TMEM272: variants seen among roughly 807,000 people sequenced by gnomAD.
TMEM272 encodes the protein transmembrane protein 272.
Under a neutral mutation model 3.7 loss-of-function variants are expected in TMEM272, and 8 were observed. The ratio of observed to expected loss-of-function variants is 2.17; its 90% confidence interval spans 1.27 to 3.91. TMEM272 has a LOEUF of 3.91. TMEM272 is among the 30% of genes most tolerant of loss of function. The pLI, the probability that TMEM272 is intolerant of heterozygous loss-of-function variation, is 0.00. For synonymous variants in TMEM272, 63 were observed against 39.8 expected (o/e 1.58, Z -2.20); for missense variants, 166 against 91.5 (o/e 1.81, Z -3.32).
the TMEM272 span, chr13:51,865,692 A>T: frequency 6.2e-7 from 1 of 1,614,176 alleles, no homozygotes; most frequent in Non-Finnish European, 8.5e-7. Context: ...AAAGAGGAAA[A>T]ATCCTTCTGG....
the TMEM272 span, among the ~76,000 whole-genome samples, chr13:51,852,464 G>A: frequency 6.6e-6 from 1 of 152,206 alleles, no homozygotes; most frequent in Non-Finnish European, 1.5e-5. Flanking sequence ...TATGGCTGGT[G>A]TGGCTAGAAA....
the TMEM272 span, among the ~76,000 whole-genome samples, chr13:51,870,746 C>T: frequency 6.6e-6 from 1 of 152,176 alleles, no homozygotes; most frequent in Admixed American, 6.5e-5. Flanking sequence ...GAGCCACCTC[C>T]CTCTCACCAA....
chr13:51,883,811 C>T, the TMEM272 span, among the ~76,000 whole-genome samples: 1 of 152,152 alleles, frequency 6.6e-6, no homozygotes, highest in African/African-American at 2.4e-5. Context: ...TTGAATTGTG[C>T]CTACACCTGG....
the TMEM272 span, among the ~76,000 whole-genome samples, chr13:51,855,916 T>C: frequency 6.6e-6 from 1 of 152,186 alleles, no homozygotes; most frequent in Admixed American, 6.5e-5. Flanking sequence ...TACAGAGATA[T>C]AATCACCTGA....
At chr13:51,837,825 C>T (rs1192726427) in intron 2 of TMEM272, among the ~76,000 whole-genome samples, 8 of 152,238 alleles carry the variant, frequency 5.3e-5, no homozygotes, top group Non-Finnish European at 7.3e-5. Flanking sequence ...TCCGCCACTA[C>T]CCACTGACTG....
At chr13:51,917,531 T>C in the TMEM272 span, among the ~76,000 whole-genome samples, 1 of 152,154 alleles carries the variant, frequency 6.6e-6, no homozygotes, top group Admixed American at 6.5e-5. Flanking sequence ...GCCAATCCAG[T>C]GAGCTGTTTT....
At chr13:51,867,401 G>A in the TMEM272 span, among the ~76,000 whole-genome samples, 1 of 152,204 alleles carries the variant, frequency 6.6e-6, no homozygotes, top group Non-Finnish European at 1.5e-5. Flanking sequence ...CTGGGTCACG[G>A]GAAGTGACTT....
At chr13:51,924,412 T>C in the TMEM272 span, among the ~76,000 whole-genome samples, 1 of 151,904 alleles carries the variant, frequency 6.6e-6, no homozygotes, top group Non-Finnish European at 1.5e-5. Context: ...AACAAAAACC[T>C]CTTTTCCTCT....
chr13:51,876,680 C>G, the TMEM272 span, among the ~76,000 whole-genome samples: 6 of 152,226 alleles, frequency 3.9e-5, no homozygotes, highest in African/African-American at 1.4e-4. Flanking sequence ...AATAGAGGGT[C>G]TGGAAAATCA....
chr13:51,856,292 G>A, the TMEM272 span, among the ~76,000 whole-genome samples: 2 of 152,170 alleles, frequency 1.3e-5, no homozygotes, highest in Non-Finnish European at 2.9e-5. Flanking sequence ...TTATCTACAG[G>A]AGCAACTGGA....
At chr13:51,925,522 A>T in the TMEM272 span, among the ~76,000 whole-genome samples, 2 of 152,014 alleles carry the variant, frequency 1.3e-5, no homozygotes, top group Non-Finnish European at 2.9e-5. Context: ...CATCACACAT[A>T]CACACACACC....
the TMEM272 span, among the ~76,000 whole-genome samples, chr13:51,861,686 T>C: frequency 6.6e-6 from 1 of 152,048 alleles, no homozygotes; most frequent in Non-Finnish European, 1.5e-5. Flanking sequence ...TGAAAGAATA[T>C]TTGAAGAAAT....
At chr13:51,923,379 C>T in the TMEM272 span, among the ~76,000 whole-genome samples, 1 of 152,154 alleles carries the variant, frequency 6.6e-6, no homozygotes, top group Admixed American at 6.5e-5. Flanking sequence ...GCTTCACTGC[C>T]ACCACCACAG....
chr13:51,864,133 T>C, the TMEM272 span, among the ~76,000 whole-genome samples: 1 of 152,080 alleles, frequency 6.6e-6, no homozygotes, highest in Non-Finnish European at 1.5e-5. Context: ...CTTTTCTTTT[T>C]TTCTTTTCCT....
chr13:51,891,588 T>C, the TMEM272 span, among the ~76,000 whole-genome samples: 1 of 152,214 alleles, frequency 6.6e-6, no homozygotes, highest in Non-Finnish European at 1.5e-5. Context: ...GGATTGGGGC[T>C]CCTATGCCCA....
chr13:51,818,996 G>T (rs909030919), intron 4 of TMEM272, among the ~76,000 whole-genome samples: 7 of 152,150 alleles, frequency 4.6e-5, no homozygotes, highest in African/African-American at 1.7e-4. Flanking sequence ...TGATTAAATC[G>T]GAGGAAATTA....
chr13:51,866,947 T>C, the TMEM272 span, among the ~76,000 whole-genome samples: 1 of 152,208 alleles, frequency 6.6e-6, no homozygotes, highest in African/African-American at 2.4e-5. Context: ...GAGTAGTACA[T>C]TGAATGAATG....
the TMEM272 span, among the ~76,000 whole-genome samples, chr13:51,883,493 C>T: frequency 1.3e-5 from 2 of 152,134 alleles, no homozygotes; most frequent in South Asian, 2.1e-4. Flanking sequence ...AGTGGATGGC[C>T]GTCTGTGAGG....
the TMEM272 span, among the ~76,000 whole-genome samples, chr13:51,916,288 A>G: frequency 6.6e-6 from 1 of 152,234 alleles, no homozygotes. Context: ...GAGAAGCTTC[A>G]GTGAACAGCC....
Sources: gnomAD v4.1 joint callset for allele counts (sites outside exome capture counted in the v4.1 genomes callset) on GRCh38, gnomAD v4.1.1 for gene constraint, MANE v1.5 for transcripts, NCBI Gene and HGNC (gene_info 2026-07-23, HGNC 2026-07-21) for gene names.